ARHGEF3: variants seen among roughly 807,000 people sequenced by gnomAD.
ARHGEF3 encodes the protein 59.8 kDA protein.
Under a neutral mutation model 63.2 loss-of-function variants are expected in ARHGEF3, and 28 were observed. The observed-to-expected ratio is 0.44, with a 90% CI of 0.33 to 0.61. The LOEUF is 0.61. Ranked by LOEUF, ARHGEF3 falls within the 20% of genes least tolerant of loss-of-function variation. The pLI is 0.03. For synonymous variants in ARHGEF3, 266 were observed against 254.2 expected, an observed-to-expected ratio of 1.05 and a Z score of -0.44; for missense variants, 533 against 659.3, an observed-to-expected ratio of 0.81 and a Z score of 2.10.
chr3:56,922,602 T>C (rs751348794), intron 3 of ARHGEF3, among the ~76,000 whole-genome samples: 2 of 152,190 alleles, frequency 1.3e-5, no homozygotes, highest in Non-Finnish European at 2.9e-5. Context: ...GTTAAAAATA[T>C]ATAACAAAAG....
At chr3:57,015,765 G>GC (rs1702971369) in intron 2 of ARHGEF3, among the ~76,000 whole-genome samples, 2 of 151,850 alleles carry the variant, frequency 1.3e-5, no homozygotes, top group Non-Finnish European at 2.9e-5. Flanking sequence ...TCTTGAAAAG[G>GC]TCCCCCAAAT....
chr3:56,769,046 G>A (rs910307914), intron 2 of ARHGEF3, among the ~76,000 whole-genome samples: 9 of 152,250 alleles, frequency 5.9e-5, no homozygotes, highest in Admixed American at 1.3e-4. Flanking sequence ...TTGTTTTGGA[G>A]TTGGAAGACT....
intron 4 of ARHGEF3, among the ~76,000 whole-genome samples, chr3:56,809,957 T>C (rs2038006256): frequency 6.6e-6 from 1 of 152,128 alleles, no homozygotes; most frequent in African/African-American, 2.4e-5. Flanking sequence ...GGTCTCGAAC[T>C]CCTGGCCTCA....
At chr3:57,077,618 A>T (rs1040708682) in intron 1 of ARHGEF3, among the ~76,000 whole-genome samples, 10 of 152,188 alleles carry the variant, frequency 6.6e-5, no homozygotes, top group African/African-American at 2.2e-4. Flanking sequence ...AGGTGACAAG[A>T]TCAGGTCCCT....
intron 3 of ARHGEF3, among the ~76,000 whole-genome samples, chr3:56,950,314 A>T (rs562735672): frequency 2.0e-5 from 3 of 152,222 alleles, no homozygotes; most frequent in African/African-American, 7.2e-5. Context: ...TCTGCACAGC[A>T]AAAGAAACTA....
chr3:56,745,118 G>A, intron 7 of ARHGEF3, 87 bp downstream of exon 7: 1 of 1,491,396 alleles, frequency 6.7e-7, no homozygotes, highest in South Asian at 1.3e-5. Flanking sequence ...AAGTACCCAG[G>A]GACTCTTCCA....
chr3:56,826,082 A>C, intron 4 of ARHGEF3, among the ~76,000 whole-genome samples: 1 of 152,148 alleles, frequency 6.6e-6, no homozygotes, highest in East Asian at 1.9e-4. Flanking sequence ...TAAGCTTGGC[A>C]CTCATTGTTT....
intron 4 of ARHGEF3, among the ~76,000 whole-genome samples, chr3:56,872,552 C>T (rs1234167388): frequency 1.3e-5 from 2 of 149,506 alleles, no homozygotes; most frequent in Non-Finnish European, 3.0e-5. Context: ...GCTGTGTTGC[C>T]AGGCTGGAGT....
At chr3:56,817,658 C>T (rs1042439165) in intron 4 of ARHGEF3, among the ~76,000 whole-genome samples, 12 of 152,210 alleles carry the variant, frequency 7.9e-5, no homozygotes, top group Non-Finnish European at 1.8e-4. Context: ...ATCCTCACAA[C>T]CTGCTGAAGA....
At chr3:56,854,093 G>A (rs1234180189) in intron 4 of ARHGEF3, among the ~76,000 whole-genome samples, 1 of 152,128 alleles carries the variant, frequency 6.6e-6, no homozygotes, top group Non-Finnish European at 1.5e-5. Context: ...TACTGGGGAG[G>A]CTGAGGCAGG....
At chr3:56,787,894 A>C (rs1424881262) in intron 1 of ARHGEF3, among the ~76,000 whole-genome samples, 1 of 152,184 alleles carries the variant, frequency 6.6e-6, no homozygotes, top group African/African-American at 2.4e-5. Flanking sequence ...CTGAAGTCAC[A>C]CAGTCCAAAT....
intron 1 of ARHGEF3, among the ~76,000 whole-genome samples, chr3:57,059,176 T>C (rs1294052259): frequency 6.6e-6 from 1 of 152,162 alleles, no homozygotes; most frequent in Non-Finnish European, 1.5e-5. Flanking sequence ...CATGCAATCA[T>C]ACTTAACTAT....
At chr3:56,986,624 A>G (rs1239535453) in intron 2 of ARHGEF3, among the ~76,000 whole-genome samples, 1 of 152,078 alleles carries the variant, frequency 6.6e-6, no homozygotes, top group Non-Finnish European at 1.5e-5. Flanking sequence ...CGGAGCCAGG[A>G]CCCAATGCTG....
At chr3:56,958,624 G>A (rs1010699766) in intron 3 of ARHGEF3, among the ~76,000 whole-genome samples, 16 of 152,032 alleles carry the variant, frequency 1.1e-4, no homozygotes, top group African/African-American at 3.6e-4. Flanking sequence ...GAGCTATCAC[G>A]CCTGGCCACC....
At chr3:57,042,690 A>T (rs1303891402) in intron 1 of ARHGEF3, among the ~76,000 whole-genome samples, 4,085 of 12,920 alleles carry the variant, frequency 0.32, 429 homozygotes, top group East Asian at 0.4. Flanking sequence ...ATATATATAT[A>T]TATATATATA....
chr3:57,078,288 A>G (rs1706305155), intron 1 of ARHGEF3, among the ~76,000 whole-genome samples: 1 of 152,220 alleles, frequency 6.6e-6, no homozygotes, highest in African/African-American at 2.4e-5. Context: ...GGAACGCTTA[A>G]AAATAAGTTT....
intron 3 of ARHGEF3, among the ~76,000 whole-genome samples, chr3:56,910,069 T>C (rs903713535): frequency 2.0e-5 from 3 of 152,166 alleles, no homozygotes; most frequent in East Asian, 3.9e-4. Flanking sequence ...TAAATGTTTG[T>C]TATTGTTTGC....
intron 9 of ARHGEF3, chr3:56,731,787 T>C (rs2033180027): frequency 4.9e-6 from 1 of 202,636 alleles, no homozygotes; most frequent in East Asian, 1.2e-4. Flanking sequence ...TTAGGCCCAC[T>C]GAGTAATGTT....
At chr3:56,906,021 C>T (rs745977417) in intron 3 of ARHGEF3, among the ~76,000 whole-genome samples, 12 of 152,034 alleles carry the variant, frequency 7.9e-5, no homozygotes, top group South Asian at 6.2e-4. Flanking sequence ...CCTGCCACCA[C>T]GCCTGGCTAA....
Sources: gnomAD v4.1 joint callset for allele counts (sites outside exome capture counted in the v4.1 genomes callset) on GRCh38, gnomAD v4.1.1 for gene constraint, MANE v1.5 for transcripts, NCBI Gene and HGNC (gene_info 2026-07-23, HGNC 2026-07-21) for gene names.